The following NELL1 variants were observed in gnomAD, a reference collection of about 807,000 sequenced individuals.
NELL1 encodes the protein protein kinase C-binding protein NELL1.
A neutral mutation model predicts 107.4 loss-of-function variants in NELL1; 76 were observed. The ratio of observed to expected loss-of-function variants is 0.71; its 90% confidence interval spans 0.59 to 0.86. The LOEUF is 0.86. Ranked by LOEUF, NELL1 falls within the 40% of genes least tolerant of loss-of-function variation. The probability of loss-of-function intolerance (pLI) is 0.00; values close to 1 mark genes in which losing one functional copy is unlikely to be tolerated. For synonymous variants in NELL1, 353 were observed against 341.2 expected, an observed-to-expected ratio of 1.03 and a Z score of -0.38; for missense variants, 1,024 against 1,005.5, an observed-to-expected ratio of 1.02 and a Z score of -0.25.
chr11:21,188,382 C>T (rs955346545), intron 13 of NELL1, among the ~76,000 whole-genome samples: 12 of 151,770 alleles, frequency 7.9e-5, no homozygotes, highest in Non-Finnish European at 1.3e-4. Context: ...TTATCCACAA[C>T]TCTGCAAATG....
chr11:20,685,436 A>T (rs1377004070), intron 2 of NELL1, among the ~76,000 whole-genome samples: 1 of 152,068 alleles, frequency 6.6e-6, no homozygotes, highest in Non-Finnish European at 1.5e-5. Flanking sequence ...ACAGATCTGG[A>T]GATGCTCAGA....
At position 21,469,005 on chromosome 11, in the gene NELL1, TTTTTG is replaced by T. The variant is rs374449961; in HGVS notation, c.1646-65348_1646-65344del. On this transcript the variant is annotated intron_variant, in intron 15 of 19. Coordinates refer to ENST00000357134, the MANE Select transcript of NELL1 (RefSeq NM_006157.5). ...AATTCTGGGTGTTTTTTTTGTTTGTTTTTTGTTTTGTTTTGTTTTGTTTTGCCAGA... is the reference window on the plus strand; with the variant it reads ...AATTCTGGGTGTTTTTTTTGTTTGTTTTTTGTTTTGTTTTGTTTTGCCAGA... Among the ~76,000 whole-genome samples, 23 of 152,084 alleles carry T rather than the reference TTTTTG, an allele frequency of 1.5e-4. No homozygotes were observed. In the East Asian group the frequency reaches 1.6e-3, roughly 10 times the overall value.
intron 15 of NELL1, among the ~76,000 whole-genome samples, chr11:21,403,625 G>A (rs1852152614): frequency 6.6e-6 from 1 of 150,820 alleles, no homozygotes; most frequent in South Asian, 2.1e-4. Flanking sequence ...AAAAAAATGT[G>A]CCTTTAATTG....
chr11:21,447,516 C>T (rs1243786761), intron 15 of NELL1, among the ~76,000 whole-genome samples: 11 of 152,116 alleles, frequency 7.2e-5, no homozygotes, highest in Non-Finnish European at 1.5e-5. Context: ...ACTGGGTCCA[C>T]CTGGAATAGG....
intron 15 of NELL1, among the ~76,000 whole-genome samples, chr11:21,395,937 TG>T (rs1851971415): frequency 6.6e-6 from 1 of 151,530 alleles, no homozygotes; most frequent in South Asian, 2.1e-4. Flanking sequence ...CAACATTAGC[TG>T]GGATGACATG....
chr11:21,526,381 A>C (rs577518653), intron 15 of NELL1, among the ~76,000 whole-genome samples: 106 of 152,140 alleles, frequency 7.0e-4, no homozygotes, highest in Non-Finnish European at 1.1e-3. Context: ...GTTGGCATTG[A>C]GTGTCTGCAA....
intron 2 of NELL1, among the ~76,000 whole-genome samples, chr11:20,717,091 T>C (rs528140162): frequency 3.3e-5 from 5 of 152,208 alleles, no homozygotes; most frequent in Non-Finnish European, 5.9e-5. Context: ...ATATACATCT[T>C]CATGCATACC....
chr11:20,910,331 G>A lies in NELL1; in HGVS notation c.604-7851G>A, dbSNP rs78941288. Among the ~76,000 whole-genome samples, 417 of 152,292 alleles carry A rather than the reference G, an allele frequency of 2.7e-3. 3 individuals carry two copies. Among genetic ancestry groups the A allele is most frequent in the African/African-American group, 9.5e-3 (395 of 41,564 alleles). On this transcript the variant is annotated intron_variant, in intron 5 of 19. Coordinates refer to ENST00000357134, the MANE Select transcript of NELL1 (RefSeq NM_006157.5). The stretch of plus-strand genomic sequence containing the variant: ...CTGATCAAAGCAAGTCACAAGACTA[G>A]CCCCAGACTTAAGGGATGGGGAAAC...
chr11:20,930,693 C>G (rs147709619), intron 9 of NELL1, among the ~76,000 whole-genome samples: 1 of 151,912 alleles, frequency 6.6e-6, no homozygotes, highest in Non-Finnish European at 1.5e-5. Flanking sequence ...GTGTGTGGGA[C>G]GGTCATTTTT....
chr11:21,331,080 A>G (rs1850262184), intron 14 of NELL1, among the ~76,000 whole-genome samples: 1 of 151,936 alleles, frequency 6.6e-6, no homozygotes, highest in Admixed American at 6.6e-5. Context: ...AATAATTCTT[A>G]TTTTTTATTT....
At chr11:21,124,390 C>T (rs1227031246) in intron 13 of NELL1, among the ~76,000 whole-genome samples, 1 of 152,188 alleles carries the variant, frequency 6.6e-6, no homozygotes, top group Non-Finnish European at 1.5e-5. Context: ...GGCTTTGCTT[C>T]ATGTTCCTGG....
At chr11:21,022,030 T>A (rs1247462367) in intron 12 of NELL1, among the ~76,000 whole-genome samples, 1 of 152,062 alleles carries the variant, frequency 6.6e-6, no homozygotes, top group Admixed American at 6.6e-5. Flanking sequence ...GCCAGTCACA[T>A]CCCCTGCCCC....
At chr11:21,179,415 T>C (rs1360458127) in intron 13 of NELL1, among the ~76,000 whole-genome samples, 1 of 151,900 alleles carries the variant, frequency 6.6e-6, no homozygotes, top group Non-Finnish European at 1.5e-5. Context: ...AACTCATTTA[T>C]TCTCAAGGAT....
At chr11:21,254,503 GA>G (rs1269585602) in intron 14 of NELL1, among the ~76,000 whole-genome samples, 1 of 152,074 alleles carries the variant, frequency 6.6e-6, no homozygotes, top group Admixed American at 6.6e-5. Flanking sequence ...ACTTCATGGA[GA>G]AAAGGGGATG....
intron 14 of NELL1, among the ~76,000 whole-genome samples, chr11:21,301,846 T>G (rs570963390): frequency 6.6e-5 from 10 of 152,166 alleles, no homozygotes. Context: ...TAGCTAAGGA[T>G]TTGGGGGATA....
rs542497208 is a variant in NELL1 at position 21,035,422 on chromosome 11, A to G, written c.1300+74862A>G. 2.4e-4 allele frequency among the ~76,000 whole-genome samples: 37 copies of G among 152,190 alleles called. 2 individuals are homozygous for G. In the South Asian group the frequency reaches 7.7e-3, roughly 32 times the overall value. ...AAAACCTGGTAGAGACACAACAAAA[A>G]AAATAAAACTTCAGGCCAATATCCT... On this transcript the variant is annotated intron_variant, in intron 12 of 19. Coordinates refer to ENST00000357134, the MANE Select transcript of NELL1 (RefSeq NM_006157.5).
intron 15 of NELL1, among the ~76,000 whole-genome samples, chr11:21,385,810 A>G (rs1312428285): frequency 2.0e-5 from 3 of 151,956 alleles, no homozygotes; most frequent in Non-Finnish European, 4.4e-5. Flanking sequence ...CTTTTAATCA[A>G]TATTCCTCCT....
intron 2 of NELL1, among the ~76,000 whole-genome samples, chr11:20,711,866 G>A (rs576292743): frequency 2.0e-5 from 3 of 152,182 alleles, no homozygotes; most frequent in African/African-American, 7.2e-5. Flanking sequence ...CGTAGGTGAA[G>A]ATCATTTTGC....
At chr11:20,791,474 A>T (rs1443011839) in intron 3 of NELL1, among the ~76,000 whole-genome samples, 1 of 152,160 alleles carries the variant, frequency 6.6e-6, no homozygotes, top group East Asian at 1.9e-4. Context: ...TTTCTAGTGA[A>T]TTCCTTAGAA....
Sources: allele counts gnomAD v4.1 joint callset (sites outside exome capture counted in the v4.1 genomes callset), GRCh38; gene constraint gnomAD v4.1.1; transcripts MANE v1.5; gene names NCBI Gene and HGNC (gene_info 2026-07-23, HGNC 2026-07-21).